Variants in PTPRT observed in about 807,000 individuals in gnomAD.
The protein encoded by PTPRT is receptor-type tyrosine-protein phosphatase T.
In PTPRT, 56 loss-of-function variants were observed where a neutral mutation model predicts 176.8. The ratio of observed to expected loss-of-function variants is 0.32; its 90% CI spans 0.26 to 0.40. The LOEUF (loss-of-function observed/expected upper bound fraction) is 0.40, where lower values mean the gene tolerates loss of function less well. PTPRT is among the 10% of genes least tolerant of loss of function. The pLI is 1.00. For synonymous variants in PTPRT, 783 were observed against 739.0 expected, an observed-to-expected ratio of 1.06 and a Z score of -0.96; for missense variants, 1,540 against 1,908.2, an observed-to-expected ratio of 0.81 and a Z score of 3.60.
chr20:42,885,731 G>C, intron 2 of PTPRT, 76 bp downstream of exon 2: 2 of 1,533,708 alleles, frequency 1.3e-6, no homozygotes, highest in South Asian at 2.3e-5. Context: ...CAATGTGTAA[G>C]TAAGTTCTTC....
intron 17 of PTPRT, among the ~76,000 whole-genome samples, chr20:42,154,043 C>A (rs538544830): frequency 6.6e-6 from 1 of 152,048 alleles, no homozygotes; most frequent in Non-Finnish European, 1.5e-5. Flanking sequence ...TGGAGTGAAA[C>A]GAGCAGGTGG....
intron 6 of PTPRT, among the ~76,000 whole-genome samples, chr20:42,723,368 CG>C (rs1332304328): frequency 6.6e-6 from 1 of 152,142 alleles, no homozygotes; most frequent in Non-Finnish European, 1.5e-5. Context: ...AACCAGGGGC[CG>C]GATGTCCCAT....
At chr20:42,276,843 A>G (rs1434291035) in intron 13 of PTPRT, among the ~76,000 whole-genome samples, 1 of 151,908 alleles carries the variant, frequency 6.6e-6, no homozygotes, top group East Asian at 2.0e-4. Flanking sequence ...CTGTGGATAA[A>G]CAAGGCATGG....
chr20:43,054,272 A>T (rs949267599), intron 1 of PTPRT, among the ~76,000 whole-genome samples: 6 of 152,188 alleles, frequency 3.9e-5, no homozygotes, highest in African/African-American at 1.4e-4. Context: ...CTTGGTTCCC[A>T]GCCAGGCACA....
At chr20:42,681,503 C>G (rs1035913203) in intron 6 of PTPRT, among the ~76,000 whole-genome samples, 5 of 152,120 alleles carry the variant, frequency 3.3e-5, no homozygotes, top group Non-Finnish European at 7.4e-5. Context: ...AGTCTATGAA[C>G]AAAGAAAAAT....
intron 7 of PTPRT, among the ~76,000 whole-genome samples, chr20:42,646,303 G>A (rs967780699): frequency 1.5e-4 from 23 of 152,134 alleles, no homozygotes; most frequent in African/African-American, 4.6e-4. Context: ...TGTGCTTTAT[G>A]GACCATGGAC....
At chr20:43,034,591 G>C (rs928510062) in intron 1 of PTPRT, among the ~76,000 whole-genome samples, 2 of 150,842 alleles carry the variant, frequency 1.3e-5, no homozygotes, top group African/African-American at 4.9e-5. Context: ...ACTGAAAGGA[G>C]AGAAAGCCCT....
At chr20:43,137,655 C>G (rs2013875215) in intron 1 of PTPRT, among the ~76,000 whole-genome samples, 1 of 152,214 alleles carries the variant, frequency 6.6e-6, no homozygotes, top group African/African-American at 2.4e-5. Flanking sequence ...CCAACCATTT[C>G]CCTGACTCCT....
At chr20:42,786,676 T>C (rs1749544508) in intron 3 of PTPRT, among the ~76,000 whole-genome samples, 1 of 152,218 alleles carries the variant, frequency 6.6e-6, no homozygotes, top group African/African-American at 2.4e-5. Flanking sequence ...GTCAATTTTC[T>C]TGTTCATTGT....
chr20:42,622,956 G>T (rs886858928), intron 7 of PTPRT, among the ~76,000 whole-genome samples: 1 of 152,130 alleles, frequency 6.6e-6, no homozygotes, highest in African/African-American at 2.4e-5. Flanking sequence ...CCCCTATCTT[G>T]CATCCATATA....
chr20:42,644,818 TA>T (rs1296526362), intron 7 of PTPRT, among the ~76,000 whole-genome samples: 2 of 152,190 alleles, frequency 1.3e-5, no homozygotes, highest in African/African-American at 4.8e-5. Context: ...TCACAACACT[TA>T]GTCCTTAAGC....
At chr20:42,461,864 G>A (rs2071025893) in intron 8 of PTPRT, among the ~76,000 whole-genome samples, 1 of 151,644 alleles carries the variant, frequency 6.6e-6, no homozygotes, top group African/African-American at 2.4e-5. Context: ...AGAGCTGGGT[G>A]TTTCTGGGTT....
intron 11 of PTPRT, among the ~76,000 whole-genome samples, chr20:42,342,223 G>A (rs1462386469): frequency 6.6e-6 from 1 of 152,154 alleles, no homozygotes; most frequent in Non-Finnish European, 1.5e-5. Context: ...TGTAGACTGT[G>A]GGACAACCTC....
chr20:42,163,902 G>A (rs552287368), intron 16 of PTPRT, among the ~76,000 whole-genome samples: 58 of 152,326 alleles, frequency 3.8e-4, no homozygotes, highest in African/African-American at 1.3e-3. Flanking sequence ...TGTCCCAGCT[G>A]TCATGAATAG....
intron 7 of PTPRT, among the ~76,000 whole-genome samples, chr20:42,482,810 G>A (rs569918253): frequency 3.3e-5 from 5 of 152,172 alleles, no homozygotes; most frequent in East Asian, 3.9e-4. Context: ...GGCTTAGCTC[G>A]AAATATTTTT....
At chr20:43,004,910 T>C (rs1416180633) in intron 1 of PTPRT, among the ~76,000 whole-genome samples, 1 of 152,166 alleles carries the variant, frequency 6.6e-6, no homozygotes, top group Non-Finnish European at 1.5e-5. Flanking sequence ...GATGATGAAA[T>C]AACTTGTGTG....
intron 7 of PTPRT, among the ~76,000 whole-genome samples, chr20:42,495,606 T>TTTTCCCGTTAGAG (rs1452505673): frequency 6.6e-6 from 1 of 152,146 alleles, no homozygotes; most frequent in Non-Finnish European, 1.5e-5. Flanking sequence ...CCTCTTTCAG[T>TTTTCCCGTTAGAG]TTTCCCGTTA....
chr20:42,272,107 C>T (rs1276568822), intron 13 of PTPRT, among the ~76,000 whole-genome samples: 1 of 152,034 alleles, frequency 6.6e-6, no homozygotes, highest in Non-Finnish European at 1.5e-5. Flanking sequence ...CAGCCATGAG[C>T]TATAAATGCT....
chr20:42,033,906 T>C, the PTPRT span, among the ~76,000 whole-genome samples: 11 of 152,360 alleles, frequency 7.2e-5, no homozygotes, highest in African/African-American at 2.6e-4. Context: ...AGAATGGTTT[T>C]ATGTATGAAT....
Sources: allele counts gnomAD v4.1 joint callset (sites outside exome capture counted in the v4.1 genomes callset), GRCh38; gene constraint gnomAD v4.1.1; transcripts MANE v1.5; gene names NCBI Gene and HGNC (gene_info 2026-07-23, HGNC 2026-07-21).